The following LRRTM4 variants were observed in gnomAD, a reference collection of about 807,000 sequenced individuals.
LRRTM4 encodes the protein leucine rich repeat transmembrane neuronal 4, also known as leucine-rich repeat transmembrane neuronal protein 4.
Under a neutral mutation model 47.6 loss-of-function variants are expected in LRRTM4, and 25 were observed. The observed-to-expected ratio is 0.53, with a 90% CI of 0.38 to 0.73. LRRTM4 has a LOEUF of 0.73. Among genes scored for constraint, LRRTM4 ranks in the 30% least tolerant of loss-of-function variants. The probability of loss-of-function intolerance (pLI) is 0.00; values close to 1 mark genes in which losing one functional copy is unlikely to be tolerated. For synonymous variants in LRRTM4, 311 were observed against 269.5 expected (o/e 1.15, Z -1.51); for missense variants, 638 against 713.4 (o/e 0.89, Z 1.20).
chr2:77,004,688 T>C (rs1458974353), intron 3 of LRRTM4, among the ~76,000 whole-genome samples: 2 of 151,980 alleles, frequency 1.3e-5, no homozygotes, highest in Admixed American at 6.6e-5. Context: ...GAATGGTAGA[T>C]CCACTGACAA....
At chr2:77,108,590 T>A (rs1363715750) in intron 3 of LRRTM4, among the ~76,000 whole-genome samples, 2 of 149,254 alleles carry the variant, frequency 1.3e-5, no homozygotes, top group Non-Finnish European at 3.0e-5. Flanking sequence ...TTTTTTTTTT[T>A]TCTTTTTTTT....
intron 3 of LRRTM4, among the ~76,000 whole-genome samples, chr2:76,932,147 C>T (rs1674790566): frequency 6.6e-6 from 1 of 152,154 alleles, no homozygotes; most frequent in African/African-American, 2.4e-5. Flanking sequence ...GAAAAAGTAT[C>T]TTGAGCCACG....
chr2:77,169,915 C>T (rs1182878849), intron 3 of LRRTM4, among the ~76,000 whole-genome samples: 2 of 152,158 alleles, frequency 1.3e-5, no homozygotes, highest in African/African-American at 2.4e-5. Context: ...GTTTGTTGTG[C>T]GTTGTTGCTG....
chr2:77,346,435 T>C (rs185840025), intron 3 of LRRTM4, among the ~76,000 whole-genome samples: 31 of 152,194 alleles, frequency 2.0e-4, no homozygotes, highest in Admixed American at 1.3e-4. Flanking sequence ...CAATGACGGA[T>C]AGAAATGTAT....
At chr2:77,247,023 A>T (rs1209114683) in intron 3 of LRRTM4, among the ~76,000 whole-genome samples, 1 of 152,054 alleles carries the variant, frequency 6.6e-6, no homozygotes, top group African/African-American at 2.4e-5. Context: ...TATTTTTAAT[A>T]CTTTCAAAAT....
chr2:77,019,269 A>AAAAAAAAAAAAAAG (rs1678183032), intron 3 of LRRTM4, among the ~76,000 whole-genome samples: 1 of 151,132 alleles, frequency 6.6e-6, no homozygotes, highest in South Asian at 2.1e-4. Flanking sequence ...AAAAAAAAAA[A>AAAAAAAAAAAAAAG]AAAAAAATAT....
At chr2:76,790,635 G>A (rs1017130282) in intron 3 of LRRTM4, among the ~76,000 whole-genome samples, 10 of 152,034 alleles carry the variant, frequency 6.6e-5, no homozygotes, top group South Asian at 4.1e-4. Flanking sequence ...GCTATTTCTC[G>A]TGGATAGCAT....
intron 3 of LRRTM4, among the ~76,000 whole-genome samples, chr2:77,440,644 A>G (rs1467905569): frequency 1.3e-5 from 2 of 152,236 alleles, no homozygotes; most frequent in South Asian, 4.1e-4. Flanking sequence ...TGTTGCAATG[A>G]ATTAATTAAC....
intron 3 of LRRTM4, among the ~76,000 whole-genome samples, chr2:76,754,750 AAC>A (rs1276007199): frequency 1.3e-5 from 2 of 152,148 alleles, no homozygotes; most frequent in Admixed American, 1.3e-4. Context: ...TGACCACTAT[AAC>A]ACAGTGACAG....
chr2:77,125,090 A>G (rs555675086), intron 3 of LRRTM4, among the ~76,000 whole-genome samples: 2 of 152,206 alleles, frequency 1.3e-5, no homozygotes, highest in Non-Finnish European at 2.9e-5. Flanking sequence ...TGATTGAAAA[A>G]GATCCAAAAT....
intron 3 of LRRTM4, among the ~76,000 whole-genome samples, chr2:77,068,945 T>C (rs1180589941): frequency 6.6e-6 from 1 of 151,502 alleles, no homozygotes; most frequent in African/African-American, 2.5e-5. Flanking sequence ...GCATGAGCGA[T>C]CTGTGCCTTA....
intron 3 of LRRTM4, among the ~76,000 whole-genome samples, chr2:77,466,591 A>G (rs1361621110): frequency 6.6e-6 from 1 of 152,096 alleles, no homozygotes; most frequent in East Asian, 1.9e-4. Flanking sequence ...AAATTGACAA[A>G]TTCAGGTATG....
chr2:76,854,874 A>T (rs563534591), intron 3 of LRRTM4, among the ~76,000 whole-genome samples: 6 of 151,990 alleles, frequency 3.9e-5, no homozygotes, highest in African/African-American at 1.5e-4. Flanking sequence ...AACAATCAAC[A>T]TAACAGATAA....
At chr2:77,195,826 G>T (rs572296352) in intron 3 of LRRTM4, among the ~76,000 whole-genome samples, 1 of 151,988 alleles carries the variant, frequency 6.6e-6, no homozygotes, top group African/African-American at 2.4e-5. Context: ...GAGGATAGGG[G>T]GTGCTATTAA....
rs756171287 is a variant in LRRTM4 at position 76,892,337 on chromosome 2, C to T, written c.1552-143421G>A. On this transcript the variant is annotated intron_variant, in intron 3 of 3. Transcript: ENST00000409884. ...GGCTATTTGGTTATTTGAAAGAGAA[C>T]TTATATGTGTTTAAACTCTCATAAT... is the stretch of plus-strand genomic sequence containing the variant. Among the ~76,000 whole-genome samples, 10 of 151,270 alleles carry T rather than the reference C, an allele frequency of 6.6e-5. No homozygotes were observed. In the South Asian group the frequency reaches 8.3e-4, roughly 13 times the overall value.
intron 3 of LRRTM4, among the ~76,000 whole-genome samples, chr2:76,899,036 C>A (rs115389945): frequency 6.6e-6 from 1 of 151,702 alleles, no homozygotes; most frequent in Non-Finnish European, 1.5e-5. Context: ...ATGAGCAAAG[C>A]GTGTTGTAAA....
At chr2:77,100,973 T>C (rs568343478) in intron 3 of LRRTM4, among the ~76,000 whole-genome samples, 1 of 151,836 alleles carries the variant, frequency 6.6e-6, no homozygotes, top group East Asian at 2.0e-4. Flanking sequence ...GTAGCTGGGA[T>C]TACAGGCACC....
intron 3 of LRRTM4, among the ~76,000 whole-genome samples, chr2:76,765,314 G>A (rs146261938): frequency 6.6e-6 from 1 of 152,128 alleles, no homozygotes; most frequent in Non-Finnish European, 1.5e-5. Flanking sequence ...TCTGATTTAA[G>A]TGATATTATT....
intron 3 of LRRTM4, among the ~76,000 whole-genome samples, chr2:77,221,495 A>G (rs1674631101): frequency 6.6e-6 from 1 of 152,212 alleles, no homozygotes; most frequent in Admixed American, 6.5e-5. Flanking sequence ...GGCTCAAAAT[A>G]AAGGGGTGGA....
Sources: allele counts gnomAD v4.1 joint callset (sites outside exome capture counted in the v4.1 genomes callset), GRCh38; gene constraint gnomAD v4.1.1; transcripts MANE v1.5; gene names NCBI Gene and HGNC (gene_info 2026-07-23, HGNC 2026-07-21).